PIK3R3: variants seen among roughly 807,000 people sequenced by gnomAD.
PIK3R3 encodes phosphatidylinositol 3-kinase regulatory subunit gamma.
Under a neutral mutation model 62.9 loss-of-function variants are expected in PIK3R3, and 64 were observed. That is an observed-to-expected ratio of 1.02 (90% CI 0.83 to 1.25). The LOEUF (loss-of-function observed/expected upper bound fraction) is 1.25, where lower values mean the gene tolerates loss of function less well. Ranked by LOEUF, PIK3R3 falls within the 50% of genes most tolerant of loss-of-function variation. The probability of loss-of-function intolerance (pLI) is 0.00; values close to 1 mark genes in which losing one functional copy is unlikely to be tolerated. For missense variants in PIK3R3, 614 were observed against 561.6 expected (o/e 1.09, Z -0.94); for synonymous variants, 165 against 189.0 (o/e 0.87, Z 1.04).
chr1:46,045,613 A>C (rs1647088486), intron 9 of PIK3R3, among the ~76,000 whole-genome samples: 1 of 41,428 alleles, frequency 2.4e-5, no homozygotes, highest in Non-Finnish European at 4.9e-5. Flanking sequence ...TAAACAATTA[A>C]GTGCTTTTTT....
At chr1:46,060,265 A>G (rs1349111585) in intron 6 of PIK3R3, among the ~76,000 whole-genome samples, 1 of 152,200 alleles carries the variant, frequency 6.6e-6, no homozygotes, top group African/African-American at 2.4e-5. Context: ...AGGCAGGTGG[A>G]TCACCTGAGG....
Position 46,097,153 on chromosome 1 carries a change from C to A in PIK3R3, c.107-16403G>T, listed in dbSNP as rs58053840. On this transcript the variant is annotated intron_variant, in intron 1 of 9. Transcript: ENST00000262741. The stretch of plus-strand genomic sequence containing the variant: ...TTCCAGGAATGCAAGATTGGCTCAA[C>A]AAACAAAAATCAATCAAGGTAACAC... 6.4e-3 allele frequency among the ~76,000 whole-genome samples: 978 copies of A among 152,178 alleles called. 13 individuals are homozygous for A. The highest frequency in any genetic ancestry group is 0.022 in the African/African-American group (934 of 41,538).
rs1322290550 is a variant in PIK3R3, at chr1:46,045,942, T to C, written c.1163A>G (p.Lys388Arg). The change falls in exon 9 of 10, where the codon AAA (lysine) becomes AGA (arginine). Residue 388 changes from lysine to arginine, a missense_variant. Lys to Arg is a conservative substitution (Grantham distance 26, BLOSUM62 2). Coordinates refer to ENST00000262741, the MANE Select transcript of PIK3R3 (RefSeq NM_003629.4). ...GAFLIRESSK[K>R]GCYACSVVAD... is the part of the protein sequence containing the mutation. ...CACCACAGAGCAAGCATAGCATCCT[T>C]TCTTGCTACTCTCACGAATTAAGAA... 3.1e-6 allele frequency: 5 copies of C among 1,613,722 alleles called. No homozygotes were observed. The East Asian group carries it at 1.1e-4, about 36-fold the overall frequency.
chr1:46,052,963 T>C (rs1315444693), intron 7 of PIK3R3, among the ~76,000 whole-genome samples: 1 of 152,192 alleles, frequency 6.6e-6, no homozygotes, highest in Non-Finnish European at 1.5e-5. Flanking sequence ...ATACTCAGTA[T>C]CATGCAGCAA....
chr1:46,066,778 C>A, intron 4 of PIK3R3, 133 bp downstream of exon 4: 1 of 766,128 alleles, frequency 1.3e-6, no homozygotes. Flanking sequence ...GCAACAGAGA[C>A]CCTGTCTCAA....
intron 3 of PIK3R3, among the ~76,000 whole-genome samples, chr1:46,067,562 C>T (rs1189426184): frequency 6.6e-6 from 1 of 152,060 alleles, no homozygotes; most frequent in Non-Finnish European, 1.5e-5. Context: ...GAATGATAAA[C>T]ATTTGTCACA....
chr1:46,081,728 T>C (rs940697109), intron 1 of PIK3R3, among the ~76,000 whole-genome samples: 1 of 151,998 alleles, frequency 6.6e-6, no homozygotes, highest in Non-Finnish European at 1.5e-5. Flanking sequence ...CTAATACCAT[T>C]CTCTACTAAA....
chr1:46,068,708 G>A (rs142788187), intron 3 of PIK3R3, among the ~76,000 whole-genome samples: 7 of 152,262 alleles, frequency 4.6e-5, no homozygotes, highest in East Asian at 1.9e-4. Context: ...TGGCATGTTC[G>A]AGGAACAGCA....
Position 46,066,947 on chromosome 1 carries a change from A to G in PIK3R3, c.459T>C (p.Asp153=). ...ESLAQYNPKL[D]VKLMYPVSRY... is the part of the protein sequence containing the mutation. ...TGGACACTGGGTACATCAGCTTCACATCAAGTTTGGGATTGTACTGAGCAA... is the reference window on the plus strand; with the variant it reads ...TGGACACTGGGTACATCAGCTTCACGTCAAGTTTGGGATTGTACTGAGCAA... Residue 153 remains aspartate (D), a synonymous_variant, in exon 4 of 10, where the codon GAT becomes GAC. Coordinates refer to ENST00000262741, the MANE Select transcript of PIK3R3 (RefSeq NM_003629.4). 1 of 1,613,914 alleles carries G rather than the reference A, an allele frequency of 6.2e-7. No individual in the cohort carries two copies. Among genetic ancestry groups the G allele is most frequent in the Non-Finnish European group, 8.5e-7 (1 of 1,179,872 alleles).
intron 7 of PIK3R3, chr1:46,048,455 C>T (rs957691309): frequency 6.6e-6 from 1 of 152,120 alleles, no homozygotes; most frequent in African/African-American, 2.4e-5. Context: ...TAGTAACAAA[C>T]CCCCTCCCCC....
intron 1 of PIK3R3, among the ~76,000 whole-genome samples, chr1:46,119,116 C>T (rs1654442791): frequency 6.6e-6 from 1 of 152,106 alleles, no homozygotes; most frequent in South Asian, 2.1e-4. Context: ...TTTCTTTCTC[C>T]ACAGCATTTA....
the PIK3R3 span, among the ~76,000 whole-genome samples, chr1:46,143,205 TG>T: frequency 6.6e-6 from 1 of 152,220 alleles, no homozygotes; most frequent in Non-Finnish European, 1.5e-5. Context: ...AGGACCTCAC[TG>T]GGTAGATCAG....
chr1:46,150,593 T>C, the PIK3R3 span, among the ~76,000 whole-genome samples: 1 of 152,218 alleles, frequency 6.6e-6, no homozygotes, highest in Non-Finnish European at 1.5e-5. Flanking sequence ...AAACTACTCC[T>C]GGTTTGGCCC....
At position 46,073,105 on chromosome 1, in the gene PIK3R3, T is replaced by C. The variant is rs149026268; in HGVS notation, c.314+4410A>G. ...TTGTAGTAGGCCAAGACAGACTAGG[T>C]GGGAAGGGAGAAGAAAATAGACAGT... is the stretch of plus-strand genomic sequence containing the variant. On this transcript the variant is annotated intron_variant, in intron 3 of 9. Transcript: ENST00000262741. Among the ~76,000 whole-genome samples, 658 of 151,898 alleles carry C rather than the reference T, an allele frequency of 4.3e-3. 1 individual carries two copies. The highest frequency in any genetic ancestry group is 0.015 in the African/African-American group (629 of 41,376).
At chr1:46,164,741 GTAGTT>G in the PIK3R3 span, among the ~76,000 whole-genome samples, 1 of 152,064 alleles carries the variant, frequency 6.6e-6, no homozygotes, top group Non-Finnish European at 1.5e-5. Flanking sequence ...TCTTACACCT[GTAGTT>G]TCCCCAGATT....
chr1:46,097,144 T>C (rs982058442), intron 1 of PIK3R3, among the ~76,000 whole-genome samples: 4 of 152,150 alleles, frequency 2.6e-5, no homozygotes, highest in South Asian at 2.1e-4. Context: ...GAATGCAAGA[T>C]TGGCTCAACA....
intron 1 of PIK3R3, among the ~76,000 whole-genome samples, chr1:46,110,530 T>A (rs1653648744): frequency 6.6e-6 from 1 of 152,130 alleles, no homozygotes; most frequent in South Asian, 2.1e-4. Context: ...GTAATACCTC[T>A]TCTTTGATTC....
Position 46,132,603 on chromosome 1 carries a change from C to G in PIK3R3, c.-651G>C. ...GCCGGGGTGTAAGAACCAACCCGAC[C>G]GCACCAACTGCCCTCAAGCTCTGCC... On this transcript the variant is annotated 5_prime_UTR_variant, in exon 1 of 10. Transcript: ENST00000262741. 2 of 1,289,224 alleles carry G rather than the reference C, an allele frequency of 1.6e-6. No individual in the cohort carries two copies. The highest frequency in any genetic ancestry group is 1.0e-6 in the Non-Finnish European group (1 of 988,594). 79.9% of individuals were successfully genotyped at this position (1,289,224 alleles called of 1,614,324 possible).
At chr1:46,163,376 C>G in the PIK3R3 span, among the ~76,000 whole-genome samples, 1 of 152,236 alleles carries the variant, frequency 6.6e-6, no homozygotes, top group Non-Finnish European at 1.5e-5. Context: ...GATGCCCCAG[C>G]TGACCAATGC....
Sources: allele counts gnomAD v4.1 joint callset (sites outside exome capture counted in the v4.1 genomes callset), GRCh38; gene constraint gnomAD v4.1.1; transcripts MANE v1.5; gene names NCBI Gene and HGNC (gene_info 2026-07-23, HGNC 2026-07-21).